WFDC5: variants seen among roughly 807,000 people sequenced by gnomAD.
WFDC5 encodes the protein WAP four-disulfide core domain 5.
WFDC5 carries 15 observed loss-of-function variants against 15.7 expected under a neutral mutation model. The ratio of observed to expected loss-of-function variants is 0.96; its 90% CI spans 0.64 to 1.47. WFDC5 has a LOEUF of 1.47. Ranked by LOEUF, WFDC5 falls within the 40% of genes most tolerant of loss-of-function variation. WFDC5 has a pLI of 0.00. For missense variants in WFDC5, 280 were observed against 258.0 expected (o/e 1.09, Z -0.59); for synonymous variants, 109 against 107.7 (o/e 1.01, Z -0.07).
At chr20:45,114,925 C>G in intron 1 of WFDC5, 74 bp downstream of exon 1, 1 of 1,533,416 alleles carries the variant, frequency 6.5e-7, no homozygotes, top group Non-Finnish European at 8.9e-7. Context: ...TACCTGCCTT[C>G]CCCCAAACCC....
chr20:45,111,003 G>C (rs908901365), intron 1 of WFDC5, among the ~76,000 whole-genome samples: 6 of 152,204 alleles, frequency 3.9e-5, no homozygotes, highest in African/African-American at 1.4e-4. Flanking sequence ...CAAATGACAG[G>C]GGAAAATGAA....
intron 3 of WFDC5, 152 bp downstream of exon 3, chr20:45,110,248 G>T: frequency 7.3e-7 from 1 of 1,362,120 alleles, no homozygotes; most frequent in Non-Finnish European, 9.9e-7. Flanking sequence ...ATCCTAGCAG[G>T]ACTCCTCCAA....
intron 1 of WFDC5, among the ~76,000 whole-genome samples, chr20:45,114,097 T>G (rs1981691549): frequency 6.6e-6 from 1 of 152,250 alleles, no homozygotes; most frequent in Non-Finnish European, 1.5e-5. Flanking sequence ...TCACAGCACC[T>G]TGTCGAGGAG....
At chr20:45,109,969 T>C (rs1032345355) in exon 4 of WFDC5, 1 of 1,614,096 alleles carries the variant, frequency 6.2e-7, no homozygotes, top group South Asian at 1.1e-5. Flanking sequence ...TTTCCGTTGG[T>C]CCCCAGCTTA....
chr20:45,109,866 C>T (rs1047434420), exon 4 of WFDC5: 2 of 1,205,176 alleles, frequency 1.7e-6, no homozygotes, highest in African/African-American at 1.5e-5. Flanking sequence ...AGGGAAGTGT[C>T]AGCAGGCCAG....
upstream of WFDC5, chr20:45,115,221 C>A (rs1981732114): frequency 8.2e-6 from 6 of 731,186 alleles, no homozygotes; most frequent in Admixed American, 5.8e-5. Flanking sequence ...GGCCCCACCC[C>A]CTGAGGGCCC....
chr20:45,112,737 C>A (rs1981655976), intron 1 of WFDC5, among the ~76,000 whole-genome samples: 1 of 152,188 alleles, frequency 6.6e-6, no homozygotes, highest in African/African-American at 2.4e-5. Flanking sequence ...TAGCTACAGG[C>A]TTAACAGTAG....
chr20:45,113,052 A>C (rs1159685671), intron 1 of WFDC5, among the ~76,000 whole-genome samples: 5 of 152,172 alleles, frequency 3.3e-5, no homozygotes, highest in Non-Finnish European at 7.4e-5. Flanking sequence ...ATAAGCATAC[A>C]CAGTCATATA....
At chr20:45,112,864 T>C (rs6094098) in intron 1 of WFDC5, among the ~76,000 whole-genome samples, 15,283 of 152,174 alleles carry the variant, frequency 0.1, 1,808 homozygotes, top group African/African-American at 0.29. Flanking sequence ...ATGCAATATA[T>C]TTATAAACAT....
At chr20:45,110,913 T>C in intron 1 of WFDC5, 138 bp from the exon 2 acceptor site, 1 of 1,251,692 alleles carries the variant, frequency 8.0e-7, no homozygotes, top group South Asian at 1.5e-5. Flanking sequence ...TTTTGTTTGT[T>C]TGTTTGTTTA....
At chr20:45,116,310 G>C (rs903699497), upstream of WFDC5, among the ~76,000 whole-genome samples, 1 of 151,912 alleles carries the variant, frequency 6.6e-6, no homozygotes, top group African/African-American at 2.4e-5. Flanking sequence ...TGGAATGCTG[G>C]CACCTCCTTG....
At chr20:45,109,848 T>C in exon 4 of WFDC5, 1 of 1,013,440 alleles carries the variant, frequency 9.9e-7, no homozygotes, top group Non-Finnish European at 1.5e-6. Context: ...CAGGGGTGGA[T>C]GGGTTGCAGG....
intron 1 of WFDC5, among the ~76,000 whole-genome samples, chr20:45,114,505 G>A (rs570806771): frequency 4.1e-4 from 62 of 152,104 alleles, no homozygotes; most frequent in Non-Finnish European, 6.9e-4. Flanking sequence ...TGGACCCACT[G>A]ACCCAGTCAC....
intron 1 of WFDC5, among the ~76,000 whole-genome samples, chr20:45,112,454 T>C (rs963637162): frequency 1.3e-5 from 2 of 152,096 alleles, no homozygotes; most frequent in Non-Finnish European, 2.9e-5. Context: ...AAGCCTGGCG[T>C]GTGCAGAGCC....
In WFDC5 at chr20:45,112,719, C is replaced by A. The variant is rs188161478; in HGVS notation, c.86-1944G>T. ...ATACACAAGCACATTTAGATCTAGA[C>A]ACACAATTAGCTACAGGCTTAACAG... On this transcript the variant is annotated intron_variant, in intron 1 of 3. Transcript: ENST00000307971. 3.3e-5 allele frequency among the ~76,000 whole-genome samples: 5 copies of A among 152,310 alleles called. No individual in the cohort carries two copies. In the East Asian group the frequency reaches 7.7e-4, roughly 23 times the overall value.
exon 2 of WFDC5, chr20:45,110,643 C>T: frequency 6.2e-7 from 1 of 1,614,046 alleles, no homozygotes; most frequent in Non-Finnish European, 8.5e-7. Context: ...ACCAGAGACC[C>T]TGGGGACACA....
At chr20:45,111,288 AC>A (rs1251841568) in intron 1 of WFDC5, among the ~76,000 whole-genome samples, 1 of 45,268 alleles carries the variant, frequency 2.2e-5, no homozygotes, top group South Asian at 6.1e-4. Flanking sequence ...GCGCCCCCCC[AC>A]CCCGGCCCCC....
At chr20:45,112,467 C>T (rs1437110094) in intron 1 of WFDC5, among the ~76,000 whole-genome samples, 1 of 152,224 alleles carries the variant, frequency 6.6e-6, no homozygotes, top group East Asian at 1.9e-4. Context: ...GCAGAGCCGG[C>T]GTGAGAGGCT....
chr20:45,112,431 G>T (rs6094097), intron 1 of WFDC5, among the ~76,000 whole-genome samples: 15,279 of 152,138 alleles, frequency 0.1, 1,809 homozygotes, highest in African/African-American at 0.29. Context: ...CTGCAATGTG[G>T]AGGTGGGGAT....
Sources: gnomAD v4.1 joint callset for allele counts (sites outside exome capture counted in the v4.1 genomes callset) on GRCh38, gnomAD v4.1.1 for gene constraint, MANE v1.5 for transcripts, NCBI Gene and HGNC (gene_info 2026-07-23, HGNC 2026-07-21) for gene names.